Variants in SSH2 observed in about 807,000 individuals in gnomAD.
SSH2 encodes the protein slingshot protein phosphatase 2.
Under a neutral mutation model 135.2 loss-of-function variants are expected in SSH2, and 37 were observed. That is an observed-to-expected ratio of 0.27 (90% CI 0.21 to 0.36). The LOEUF is 0.36. SSH2 is among the 10% of genes least tolerant of loss of function. The pLI is 1.00. For synonymous variants in SSH2, 628 were observed against 646.2 expected (o/e 0.97, Z 0.43); for missense variants, 1,408 against 1,765.3 (o/e 0.80, Z 3.63).
At chr17:29,679,924 A>C (rs1483909035) in intron 6 of SSH2, among the ~76,000 whole-genome samples, 1 of 152,198 alleles carries the variant, frequency 6.6e-6, no homozygotes, top group African/African-American at 2.4e-5. Context: ...TCAGTATTAC[A>C]ACTTTTTTTT....
At chr17:29,840,920 C>T (rs941787601) in intron 2 of SSH2, among the ~76,000 whole-genome samples, 3 of 152,194 alleles carry the variant, frequency 2.0e-5, no homozygotes, top group Admixed American at 6.5e-5. Flanking sequence ...GGCTCTGACC[C>T]AGATTGTCTG....
intron 2 of SSH2, among the ~76,000 whole-genome samples, chr17:29,821,201 C>A (rs924532237): frequency 1.2e-4 from 18 of 152,156 alleles, no homozygotes; most frequent in South Asian, 2.1e-4. Context: ...TCTTTCTTCT[C>A]GCCTTTATCT....
chr17:29,823,341 A>G (rs3794730), intron 2 of SSH2, among the ~76,000 whole-genome samples: 39,876 of 152,072 alleles, frequency 0.26, 6,152 homozygotes, highest in Non-Finnish European at 0.34. Context: ...TTATAGAAGA[A>G]TTTCCAGAAC....
intron 3 of SSH2, among the ~76,000 whole-genome samples, chr17:29,707,858 G>A (rs1046062159): frequency 4.6e-5 from 7 of 151,856 alleles, no homozygotes; most frequent in African/African-American, 7.3e-5. Context: ...TATAATAGGC[G>A]CGATACAGGC....
At chr17:29,848,133 A>G (rs1211360922) in intron 2 of SSH2, among the ~76,000 whole-genome samples, 1 of 152,190 alleles carries the variant, frequency 6.6e-6, no homozygotes, top group Non-Finnish European at 1.5e-5. Context: ...TCTGTCCTGC[A>G]TCACTACTAG....
chr17:29,874,049 T>C (rs1380686894), intron 1 of SSH2, among the ~76,000 whole-genome samples: 1 of 152,114 alleles, frequency 6.6e-6, no homozygotes, highest in Non-Finnish European at 1.5e-5. Flanking sequence ...TCCCAGCACT[T>C]CGGGAGGCTG....
At chr17:29,867,527 G>T (rs1567619330) in intron 1 of SSH2, among the ~76,000 whole-genome samples, 1 of 152,186 alleles carries the variant, frequency 6.6e-6, no homozygotes, top group Non-Finnish European at 1.5e-5. Flanking sequence ...TGTGCAAAGA[G>T]GTGGAGTTCT....
At position 29,770,096 on chromosome 17, in the gene SSH2, T is replaced by G. The variant is rs546109971; in HGVS notation, c.188+23798A>C. Among the ~76,000 whole-genome samples, 47 of 106,966 alleles carry G rather than the reference T, an allele frequency of 4.4e-4. No individual in the cohort carries two copies. In the East Asian group the frequency reaches 5.1e-3, roughly 11 times the overall value. 70.2% of individuals were successfully genotyped at this position (106,966 alleles called of 152,430 possible). ...AACAAATTTTTGCTATATTTAGTTT[T>G]TTTTTTTTTTTTTTTTTTTTTTTAA... On this transcript the variant is annotated intron_variant, in intron 3 of 15. Transcript: ENST00000540801.
Position 29,631,994 on chromosome 17 carries a change from C to T in SSH2, c.3200G>A (p.Gly1067Glu), listed in dbSNP as rs767177245. Residue 1067 changes from glycine to glutamate, a missense_variant, in exon 16 of 16, where the codon GGG (glycine) becomes GAG (glutamate). Transcript: ENST00000540801. ...TTTTTCCATGTTCACTTTCCTCAGC[C>T]CTTGCTCTCCGCTCTTCTCACTGGT... is the stretch of plus-strand genomic sequence containing the variant. The part of the protein sequence containing the change: ...IATSEKSGEQ[G>E]LRKVNMEKSV... The T allele has an allele frequency of 1.2e-6, 2 of 1,614,194 alleles. No homozygotes were observed. Among genetic ancestry groups the T allele is most frequent in the South Asian group, 2.2e-5 (2 of 91,084 alleles).
intron 2 of SSH2, among the ~76,000 whole-genome samples, chr17:29,797,474 C>T (rs2042177958): frequency 2.0e-5 from 3 of 152,316 alleles, no homozygotes; most frequent in East Asian, 1.9e-4. Flanking sequence ...ATTCATCCCA[C>T]GTTGTTGCAT....
rs1208723709 is a variant in SSH2, at chr17:29,626,711, G to A, written c.*4130C>T. The A allele has an allele frequency of 1.2e-4, 18 of 152,812 alleles. No homozygotes were observed. 9.5% of individuals were successfully genotyped at this position (152,812 alleles called of 1,614,324 possible). A position where few individuals can be genotyped will look rare whatever the true frequency, so the allele number is the denominator to read the frequency against. On this transcript the variant is annotated 3_prime_UTR_variant, in exon 16 of 16. Coordinates refer to ENST00000540801, the MANE Select transcript of SSH2 (RefSeq NM_001282129.2). The stretch of plus-strand genomic sequence containing the variant: ...AGGGACCCCACACCCTGGGAGAAGG[G>A]TTAGGAGTGTGCAGCTTCCTGCTTT...
chr17:29,658,867 C>CAAAAAAAAAAAAA (rs541052752), intron 11 of SSH2, among the ~76,000 whole-genome samples: 2 of 33,410 alleles, frequency 6.0e-5, no homozygotes, highest in African/African-American at 1.1e-4. Context: ...AACTCCGTCT[C>CAAAAAAAAAAAAA]AAAAAAAAAA....
chr17:29,644,342 C>A (rs934089157), intron 14 of SSH2, among the ~76,000 whole-genome samples: 1 of 152,222 alleles, frequency 6.6e-6, no homozygotes, highest in Non-Finnish European at 1.5e-5. Flanking sequence ...GTCCCTCTGA[C>A]AGAAAGTTAT....
intron 3 of SSH2, among the ~76,000 whole-genome samples, chr17:29,749,000 A>G (rs1392537724): frequency 6.6e-6 from 1 of 152,244 alleles, no homozygotes; most frequent in African/African-American, 2.4e-5. Context: ...TCAATGTGTC[A>G]TTACATTAGC....
intron 1 of SSH2, among the ~76,000 whole-genome samples, chr17:29,854,008 T>C (rs1421624000): frequency 6.6e-6 from 1 of 151,772 alleles, no homozygotes; most frequent in Admixed American, 6.6e-5. Context: ...CCACTATTAC[T>C]GCTGCTTCTA....
intron 12 of SSH2, among the ~76,000 whole-genome samples, chr17:29,651,828 T>A (rs1055540867): frequency 7.0e-5 from 10 of 142,896 alleles, no homozygotes; most frequent in African/African-American, 1.7e-4. Flanking sequence ...TTACTACAAA[T>A]TTTTTTTTTT....
At position 29,827,784 on chromosome 17, in the gene SSH2, G is replaced by GAA. The variant is rs775432141; in HGVS notation, c.144+21063_144+21064dup. ...AAAATAAATAGAATGAATGAGTACAGAAAAAAAAAAAACCCCAGCATAGCT... is the reference window on the plus strand; with the variant it reads ...AAAATAAATAGAATGAATGAGTACAGAAAAAAAAAAAAAACCCCAGCATAGCT... On this transcript the variant is annotated intron_variant, in intron 2 of 15. Transcript: ENST00000540801. 8.3e-3 allele frequency among the ~76,000 whole-genome samples: 1,121 copies of GAA among 135,636 alleles called. 12 individuals are homozygous for GAA. Among genetic ancestry groups the GAA allele is most frequent in the African/African-American group, 0.029 (1,071 of 37,440 alleles). 89.0% of individuals were successfully genotyped at this position (135,636 alleles called of 152,430 possible).
intron 14 of SSH2, among the ~76,000 whole-genome samples, chr17:29,646,987 C>A (rs546836023): frequency 6.6e-6 from 1 of 150,614 alleles, no homozygotes; most frequent in Non-Finnish European, 1.5e-5. Context: ...TTTAAAGAGT[C>A]GGCCAGGCTG....
chr17:29,811,196 A>G (rs922560417), intron 2 of SSH2, among the ~76,000 whole-genome samples: 5 of 152,058 alleles, frequency 3.3e-5, no homozygotes, highest in Non-Finnish European at 2.9e-5. Context: ...GAGTTTTGCC[A>G]TGTTGGCCAG....
Sources: allele counts gnomAD v4.1 joint callset (sites outside exome capture counted in the v4.1 genomes callset), GRCh38; gene constraint gnomAD v4.1.1; transcripts MANE v1.5; gene names NCBI Gene and HGNC (gene_info 2026-07-23, HGNC 2026-07-21).